FTO: variants seen among roughly 807,000 people sequenced by gnomAD.
FTO encodes FTO alpha-ketoglutarate dependent dioxygenase.
FTO carries 47 observed loss-of-function variants against 63.9 expected under a neutral mutation model. The ratio of observed to expected loss-of-function variants is 0.74; its 90% CI spans 0.58 to 0.94. FTO has a LOEUF of 0.94. Among genes scored for constraint, FTO ranks in the 40% least tolerant of loss-of-function variants. FTO has a pLI of 0.00. For missense variants in FTO, 562 were observed against 618.1 expected (o/e 0.91, Z 0.96); for synonymous variants, 207 against 224.4 (o/e 0.92, Z 0.69).
chr16:54,052,653 T>C (rs2085338761), intron 8 of FTO: 1 of 152,220 alleles, frequency 6.6e-6, no homozygotes, highest in South Asian at 2.1e-4. Flanking sequence ...AGGCATGTGA[T>C]GCCCATCTAA....
chr16:53,971,835 A>G (rs1292593189), intron 8 of FTO, among the ~76,000 whole-genome samples: 2 of 152,218 alleles, frequency 1.3e-5, no homozygotes, highest in African/African-American at 2.4e-5. Context: ...TGTTTTTGGC[A>G]GAAGCCATCT....
At chr16:53,716,609 C>T (rs1020122780) in intron 1 of FTO, among the ~76,000 whole-genome samples, 10 of 151,876 alleles carry the variant, frequency 6.6e-5, no homozygotes, top group African/African-American at 2.2e-4. Context: ...TATTATTATG[C>T]GTGTGACTAT....
chr16:53,952,475 G>A (rs888045245), intron 8 of FTO, among the ~76,000 whole-genome samples: 3 of 152,156 alleles, frequency 2.0e-5, no homozygotes, highest in Admixed American at 6.5e-5. Flanking sequence ...ATGTGTACTA[G>A]AGCAGATGAC....
intron 1 of FTO, among the ~76,000 whole-genome samples, chr16:53,736,525 T>C (rs1438130014): frequency 6.6e-6 from 1 of 152,146 alleles, no homozygotes; most frequent in African/African-American, 2.4e-5. Flanking sequence ...CCCCTCCTTC[T>C]CATTTCCACT....
intron 4 of FTO, among the ~76,000 whole-genome samples, chr16:53,855,363 A>G (rs1231727019): frequency 1.3e-5 from 2 of 152,006 alleles, no homozygotes; most frequent in East Asian, 3.9e-4. Flanking sequence ...CTTTCTTAGA[A>G]TTTTCTAAAA....
At chr16:53,847,035 T>G (rs1159155423) in intron 4 of FTO, among the ~76,000 whole-genome samples, 3 of 152,184 alleles carry the variant, frequency 2.0e-5, no homozygotes, top group Non-Finnish European at 4.4e-5. Context: ...TGTCTGGAAT[T>G]ATAGTAGTAA....
At chr16:53,861,865 C>G (rs2080183183) in intron 4 of FTO, among the ~76,000 whole-genome samples, 1 of 152,116 alleles carries the variant, frequency 6.6e-6, no homozygotes, top group African/African-American at 2.4e-5. Flanking sequence ...TTCTTTGAGT[C>G]TTTGCATTAT....
intron 1 of FTO, among the ~76,000 whole-genome samples, chr16:53,748,601 T>G (rs1250768363): frequency 1.3e-5 from 2 of 151,582 alleles, no homozygotes; most frequent in Admixed American, 1.3e-4. Flanking sequence ...CCTACAGGTG[T>G]GCACCACCAT....
chr16:53,733,525 T>G (rs2076319847), intron 1 of FTO, among the ~76,000 whole-genome samples: 1 of 152,212 alleles, frequency 6.6e-6, no homozygotes, highest in Non-Finnish European at 1.5e-5. Flanking sequence ...CACTCCTCAA[T>G]GAAGGAGGAT....
At chr16:53,995,614 A>G (rs1382789562) in intron 8 of FTO, among the ~76,000 whole-genome samples, 2 of 152,242 alleles carry the variant, frequency 1.3e-5, no homozygotes, top group Admixed American at 1.3e-4. Flanking sequence ...CTTTACTAAA[A>G]TGAAACATGA....
chr16:53,719,253 C>CTTTTTTTTTTTTTTTTTTTTTTTTTTT (rs10527186), intron 1 of FTO, among the ~76,000 whole-genome samples: 3 of 135,644 alleles, frequency 2.2e-5, no homozygotes, highest in African/African-American at 2.8e-5. Context: ...TCTTCTTCTT[C>CTTTTTTTTTTTTTTTTTTTTTTTTTTT]TTTTTTTTTT....
chr16:53,737,342 A>G (rs1042389652), intron 1 of FTO, among the ~76,000 whole-genome samples: 8 of 152,142 alleles, frequency 5.3e-5, no homozygotes, highest in African/African-American at 1.9e-4. Flanking sequence ...AGGCAGTTTC[A>G]TCATGTGAAC....
Position 53,704,194 on chromosome 16 carries a change from AC to A in FTO, c.14del (p.Pro5ArgfsTer13). MKR[T>X]PTAEEREREA... ...CGGCTTTAGTGGCAGCATGAAGCGC[AC>A]CCCGACTGCCGAGGAACGAGAGCGC... is the stretch of plus-strand genomic sequence containing the variant. On this transcript the variant is annotated frameshift_variant, in exon 1 of 9. Transcript: ENST00000471389. LOFTEE classifies it high-confidence loss of function. The A allele has an allele frequency of 6.4e-7, 1 of 1,551,458 alleles. No individual in the cohort carries two copies. The highest frequency in any genetic ancestry group is 2.4e-5 in the East Asian group (1 of 40,912).
chr16:53,931,871 A>AACACACACACACAC (rs35135177), intron 7 of FTO, among the ~76,000 whole-genome samples: 25 of 145,798 alleles, frequency 1.7e-4, no homozygotes, highest in African/African-American at 4.6e-4. Flanking sequence ...TTTTACATTA[A>AACACACACACACAC]ACACACACAC....
chr16:54,091,874 C>G (rs568237386), intron 8 of FTO, among the ~76,000 whole-genome samples: 2 of 152,336 alleles, frequency 1.3e-5, no homozygotes, highest in Non-Finnish European at 2.9e-5. Flanking sequence ...ATAATCATAG[C>G]AACCTGATGG....
chr16:54,080,149 GGCTGAAAC>G (rs2086106560), intron 8 of FTO, among the ~76,000 whole-genome samples: 1 of 152,156 alleles, frequency 6.6e-6, no homozygotes, highest in Admixed American at 6.5e-5. Context: ...CACTTTGGGA[GGCTGAAAC>G]AGGAGGATTG....
chr16:54,092,595 C>T (rs2086416140), intron 8 of FTO, among the ~76,000 whole-genome samples: 1 of 152,302 alleles, frequency 6.6e-6, no homozygotes, highest in Admixed American at 6.5e-5. Context: ...CCTTCATCCT[C>T]ACACTGTACC....
intron 8 of FTO, among the ~76,000 whole-genome samples, chr16:54,083,761 C>T (rs1352126041): frequency 6.6e-6 from 1 of 152,170 alleles, no homozygotes; most frequent in Non-Finnish European, 1.5e-5. Flanking sequence ...AGCCATTTTA[C>T]TCTCTGGGAT....
chr16:54,091,870 A>C (rs1442430054), intron 8 of FTO, among the ~76,000 whole-genome samples: 1 of 152,226 alleles, frequency 6.6e-6, no homozygotes, highest in Non-Finnish European at 1.5e-5. Context: ...GATAATAATC[A>C]TAGCAACCTG....
Sources: gnomAD v4.1 joint callset for allele counts (sites outside exome capture counted in the v4.1 genomes callset) on GRCh38, gnomAD v4.1.1 for gene constraint, MANE v1.5 for transcripts, NCBI Gene and HGNC (gene_info 2026-07-23, HGNC 2026-07-21) for gene names.